The following PDPR variants were observed in gnomAD, a reference collection of about 807,000 sequenced individuals.
The protein encoded by PDPR is pyruvate dehydrogenase phosphatase regulatory subunit, mitochondrial.
Under a neutral mutation model 102.2 loss-of-function variants are expected in PDPR, and 50 were observed. That is an observed-to-expected ratio of 0.49 (90% confidence interval 0.39 to 0.62). The LOEUF (loss-of-function observed/expected upper bound fraction) is 0.62, where lower values mean the gene tolerates loss of function less well. Ranked by LOEUF, PDPR falls within the 20% of genes least tolerant of loss-of-function variation. PDPR has a pLI of 0.00. For synonymous variants in PDPR, 259 were observed against 406.0 expected, an observed-to-expected ratio of 0.64 and a Z score of 4.35; for missense variants, 625 against 1,098.2, an observed-to-expected ratio of 0.57 and a Z score of 6.09.
intron 9 of PDPR, among the ~76,000 whole-genome samples, chr16:70,135,239 T>TTTA (rs1555524832): frequency 6.6e-6 from 1 of 151,894 alleles, no homozygotes; most frequent in African/African-American, 2.4e-5. Flanking sequence ...ACATTGCCTT[T>TTTA]TTTTTTTTTT....
intron 7 of PDPR, among the ~76,000 whole-genome samples, chr16:70,130,951 C>T (rs1226913614): frequency 6.6e-6 from 1 of 152,264 alleles, no homozygotes; most frequent in African/African-American, 2.4e-5. Flanking sequence ...TGCTATGATC[C>T]CGAAGTGAAC....
At chr16:70,125,370 G>C (rs74836381) in intron 3 of PDPR, among the ~76,000 whole-genome samples, 8,039 of 148,386 alleles carry the variant, frequency 0.054, 206 homozygotes, top group African/African-American at 0.19. Context: ...GCAAAACTCC[G>C]TCTCTAAAAA....
In PDPR at chr16:70,157,116, T is replaced by A. The variant is rs1319909708; in HGVS notation, c.*237T>A. 8 of 706,276 alleles carry A rather than the reference T, an allele frequency of 1.1e-5. No homozygotes were observed. The highest frequency in any genetic ancestry group is 2.3e-4 in the Middle Eastern group (1 of 4,296). The allele number at this position is 706,276 out of a possible 1,614,324, so 43.8% of individuals were successfully genotyped here. A position where few individuals can be genotyped will look rare whatever the true frequency, so the allele number is the denominator to read the frequency against. ...TGGGCTCTTCTTCCCTTCCCACCCC[T>A]CACTCAGCTTCTCGTGGTGGCAGGA... On this transcript the variant is annotated 3_prime_UTR_variant, in exon 19 of 19. Transcript: ENST00000288050.
upstream of PDPR, chr16:70,114,124 G>A (rs1191013413): frequency 3.9e-5 from 6 of 152,180 alleles, no homozygotes; most frequent in African/African-American, 1.4e-4. Context: ...CGCCTCTGAG[G>A]GTGGCAAAGA....
intron 18 of PDPR, among the ~76,000 whole-genome samples, chr16:70,155,017 C>A (rs1172300254): frequency 6.6e-6 from 1 of 152,146 alleles, no homozygotes; most frequent in South Asian, 2.1e-4. Flanking sequence ...CATGGTGAAA[C>A]CCCGTATCTG....
At chr16:70,120,276 T>A in intron 2 of PDPR, 185 bp from the exon 3 acceptor site, 1 of 503,710 alleles carries the variant, frequency 2.0e-6, no homozygotes, top group Non-Finnish European at 3.6e-6. Context: ...GGTCTCGATC[T>A]CCTGACCTCG....
At chr16:70,137,561 A>G (rs1396791964) in intron 10 of PDPR, among the ~76,000 whole-genome samples, 4 of 152,244 alleles carry the variant, frequency 2.6e-5, no homozygotes, top group African/African-American at 9.6e-5. Context: ...ATGCAAGAGG[A>G]AAAGAGTTCT....
At chr16:70,129,545 C>G (rs1341304702) in intron 6 of PDPR, among the ~76,000 whole-genome samples, 5 of 152,264 alleles carry the variant, frequency 3.3e-5, no homozygotes, top group Non-Finnish European at 5.9e-5. Context: ...GACGGGGTTT[C>G]GCCATATTGG....
At chr16:70,126,297 A>G (rs1418861201) in intron 3 of PDPR, among the ~76,000 whole-genome samples, 1 of 152,260 alleles carries the variant, frequency 6.6e-6, no homozygotes, top group African/African-American at 2.4e-5. Context: ...CTGCAGCCGC[A>G]AACTTTTGGG....
At chr16:70,121,766 C>CT (rs1240965083) in intron 3 of PDPR, among the ~76,000 whole-genome samples, 961 of 146,362 alleles carry the variant, frequency 6.6e-3, no homozygotes, top group Middle Eastern at 0.025. Context: ...TTCTTATTCC[C>CT]TTTTTTTTTT....
At chr16:70,155,575 A>G (rs1236141358) in intron 18 of PDPR, among the ~76,000 whole-genome samples, 2 of 152,224 alleles carry the variant, frequency 1.3e-5, no homozygotes, top group Non-Finnish European at 2.9e-5. Context: ...TTTTTAGTAG[A>G]GATGGGGTTT....
intron 17 of PDPR, among the ~76,000 whole-genome samples, chr16:70,149,183 C>G (rs2152114945): frequency 6.6e-6 from 1 of 152,168 alleles, no homozygotes; most frequent in Non-Finnish European, 1.5e-5. Flanking sequence ...GTGTGAGCCA[C>G]CATACCCAGC....
At chr16:70,130,331 G>C in intron 6 of PDPR, 92 bp from the exon 7 acceptor site, 2 of 1,365,392 alleles carry the variant, frequency 1.5e-6, no homozygotes, top group East Asian at 2.4e-5. Flanking sequence ...ACTTGACTTT[G>C]TCAGTGTTTC....
chr16:70,163,000 G>T (rs1372350191), downstream of PDPR, among the ~76,000 whole-genome samples: 1 of 152,260 alleles, frequency 6.6e-6, no homozygotes, highest in African/African-American at 2.4e-5. Flanking sequence ...GCCCAGGCTG[G>T]AGTACAGTGG....
At chr16:70,149,455 G>C (rs1340214744) in intron 17 of PDPR, among the ~76,000 whole-genome samples, 1 of 152,012 alleles carries the variant, frequency 6.6e-6, no homozygotes. Context: ...TAGTACAGAC[G>C]GGGCTTCACC....
chr16:70,146,029 C>T, intron 15 of PDPR, 105 bp from the exon 16 acceptor site: 6 of 1,368,210 alleles, frequency 4.4e-6, no homozygotes, highest in Non-Finnish European at 5.2e-6. Context: ...TTCCTGGTCT[C>T]TGCACCCAGG....
At chr16:70,149,480 T>C (rs1423311129) in intron 17 of PDPR, among the ~76,000 whole-genome samples, 1 of 151,920 alleles carries the variant, frequency 6.6e-6, no homozygotes, top group African/African-American at 2.4e-5. Flanking sequence ...TGCCCAGGCT[T>C]GTTTCCAACT....
chr16:70,114,007 C>T (rs1962374785), upstream of PDPR: 1 of 152,254 alleles, frequency 6.6e-6, no homozygotes, highest in South Asian at 2.1e-4. Flanking sequence ...TCCCCACACT[C>T]CACAGGGCCT....
rs1428259723 is a variant in PDPR, at chr16:70,156,959, C to T, written c.*80C>T. The T allele has an allele frequency of 4.6e-6, 7 of 1,532,500 alleles. No individual in the cohort carries two copies. The highest frequency in any genetic ancestry group is 6.2e-6 in the Non-Finnish European group (7 of 1,125,384). The allele number at this position is 1,532,500 out of a possible 1,614,324, so 94.9% of individuals were successfully genotyped here. On this transcript the variant is annotated 3_prime_UTR_variant, in exon 19 of 19. Coordinates refer to ENST00000288050, the MANE Select transcript of PDPR (RefSeq NM_017990.5). Reference sequence around the variant, plus strand: ...ACCTTGGAGCTTCTCTTCCTTCCGCCTCTGTTCCTCTTCTGGAGCCTTTGC... The same window carrying T: ...ACCTTGGAGCTTCTCTTCCTTCCGCTTCTGTTCCTCTTCTGGAGCCTTTGC...
Sources: allele counts gnomAD v4.1 joint callset (sites outside exome capture counted in the v4.1 genomes callset), GRCh38; gene constraint gnomAD v4.1.1; transcripts MANE v1.5; gene names NCBI Gene and HGNC (gene_info 2026-07-23, HGNC 2026-07-21).